UBN1: variants seen among roughly 807,000 people sequenced by gnomAD.
UBN1 encodes the protein ubinuclein-1.
In UBN1, 17 loss-of-function variants were observed where a neutral mutation model predicts 108.5. That is an observed-to-expected ratio of 0.16 (90% CI 0.11 to 0.24). The LOEUF is 0.24. UBN1 is among the 10% of genes least tolerant of loss of function. UBN1 has a pLI of 1.00. For missense variants in UBN1, 1,595 were observed against 1,394.4 expected (o/e 1.14, Z -2.29); for synonymous variants, 726 against 564.2 (o/e 1.29, Z -4.07).
At chr16:4,863,336 G>A (rs1036145364) in intron 7 of UBN1, among the ~76,000 whole-genome samples, 4 of 152,152 alleles carry the variant, frequency 2.6e-5, no homozygotes, top group African/African-American at 9.7e-5. Context: ...GGCACTTGGA[G>A]TCCCTGCATG....
chr16:4,861,417 T>C (rs1383777192), intron 7 of UBN1, among the ~76,000 whole-genome samples: 1 of 152,252 alleles, frequency 6.6e-6, no homozygotes, highest in African/African-American at 2.4e-5. Context: ...ACGGATGATG[T>C]TGGCAGCAGG....
intron 10 of UBN1, 30 bp from the exon 11 acceptor site, chr16:4,870,814 G>A: frequency 2.5e-6 from 4 of 1,612,494 alleles, no homozygotes; most frequent in Non-Finnish European, 3.4e-6. Context: ...GAGCACCTTG[G>A]GGCCCCATGT....
chr16:4,870,122 C>T, intron 8 of UBN1, 90 bp from the exon 9 acceptor site: 1 of 1,576,588 alleles, frequency 6.3e-7, no homozygotes, highest in East Asian at 2.3e-5. Context: ...CTGCCGTTGG[C>T]TCCTAGCTTT....
At chr16:4,850,376 C>T (rs949445408) in intron 1 of UBN1, among the ~76,000 whole-genome samples, 2 of 152,190 alleles carry the variant, frequency 1.3e-5, no homozygotes, top group East Asian at 3.8e-4. Flanking sequence ...ACTGCCTGGA[C>T]AGGGGGAGTA....
At chr16:4,870,060 G>T (rs1040403693) in intron 8 of UBN1, 152 bp from the exon 9 acceptor site, 1 of 1,111,500 alleles carries the variant, frequency 9.0e-7, no homozygotes, top group Non-Finnish European at 1.3e-6. Context: ...TGCTGAGGAT[G>T]TGTTTCCTTG....
intron 8 of UBN1, 148 bp downstream of exon 8, chr16:4,869,051 C>A: frequency 1.3e-6 from 1 of 767,028 alleles, no homozygotes. Context: ...AACATGGTTT[C>A]ATTGTTATTT....
chr16:4,866,601 G>A (rs567081917), intron 7 of UBN1, among the ~76,000 whole-genome samples: 13 of 152,234 alleles, frequency 8.5e-5, no homozygotes, highest in East Asian at 7.7e-4. Flanking sequence ...CAACCTCCAC[G>A]CCCAGGGCTC....
At chr16:4,867,821 T>C (rs1596505290) in intron 7 of UBN1, among the ~76,000 whole-genome samples, 1 of 152,132 alleles carries the variant, frequency 6.6e-6, no homozygotes, top group Non-Finnish European at 1.5e-5. Flanking sequence ...GGTTGATCCC[T>C]TCATTCTAGA....
chr16:4,873,687 CTG>C (rs2142266831), intron 14 of UBN1, among the ~76,000 whole-genome samples: 1 of 152,194 alleles, frequency 6.6e-6, no homozygotes, highest in East Asian at 1.9e-4. Flanking sequence ...CCCAGACACA[CTG>C]TATTAAGCAC....
At position 4,875,434 on chromosome 16, in the gene UBN1, A is replaced by G. The variant is rs775496509; in HGVS notation, c.3024A>G (p.Ser1008=). Residue 1008 remains serine, a splice_region_variant and synonymous_variant, in exon 15 of 18, where the codon TCA becomes TCG. Transcript: ENST00000262376. ...VSSVTSSTSL[S]KGASGTVLLA... is the part of the protein sequence containing the mutation. ...GTGTGACATCGTCTACCTCCTTGTCAGTGAGTATCTGTCATAGCAGCCTGC... is the reference window on the plus strand; with the variant it reads ...GTGTGACATCGTCTACCTCCTTGTCGGTGAGTATCTGTCATAGCAGCCTGC... The G allele has an allele frequency of 1.2e-6, 2 of 1,606,534 alleles. No homozygotes were observed. Among genetic ancestry groups the G allele is most frequent in the South Asian group, 1.1e-5 (1 of 90,654 alleles).
In UBN1 at chr16:4,858,335, A is replaced by G. The variant is rs144058847; in HGVS notation, c.337-233A>G. ...TAGAAGAAATATTTTGGTACAAAGC[A>G]TAAGAAGCCATTTAGTTCATTTTTC... On this transcript the variant is annotated intron_variant, in intron 3 of 17. Coordinates refer to ENST00000262376, the MANE Select transcript of UBN1 (RefSeq NM_001079514.3). Among the ~76,000 whole-genome samples the G allele has an allele frequency of 2.9e-3, 443 of 152,378 alleles. No homozygotes were observed. The highest frequency in any genetic ancestry group is 0.01 in the African/African-American group (430 of 41,594).
intron 6 of UBN1, 83 bp from the exon 7 acceptor site, chr16:4,860,579 ACC>A: frequency 1.6e-5 from 22 of 1,363,242 alleles, no homozygotes; most frequent in Admixed American, 1.1e-4. Flanking sequence ...GGAGACCATG[ACC>A]CTGGGAGCAG....
rs1308817519 is a variant in UBN1 at position 4,870,581 on chromosome 16, G to C, written c.1377G>C (p.Gln459His). The part of the protein sequence containing the change: ...KEAIGRAMPE[Q>H]MAKYQDECQA... Reference sequence around the variant, plus strand: ...CCATTGGCAGGGCGATGCCAGAGCAGATGGCCAAGTACCAGGACGAATGCC... The same window carrying C: ...CCATTGGCAGGGCGATGCCAGAGCACATGGCCAAGTACCAGGACGAATGCC... The change falls in exon 10 of 18, where the codon CAG becomes CAC. Residue 459 changes from glutamine to histidine, a missense_variant. Transcript: ENST00000262376. 6.2e-7 allele frequency: 1 copy of C among 1,614,144 alleles called. No individual in the cohort carries two copies. The highest frequency in any genetic ancestry group is 1.3e-5 in the African/African-American group (1 of 74,960).
intron 15 of UBN1, 146 bp downstream of exon 15, chr16:4,875,580 G>T (rs2087842683): frequency 2.0e-5 from 25 of 1,223,472 alleles, no homozygotes; most frequent in Non-Finnish European, 2.7e-5. Context: ...GGGAGACTGG[G>T]CTCCCTGTTC....
At chr16:4,854,716 T>A (rs1201897151) in intron 2 of UBN1, among the ~76,000 whole-genome samples, 2 of 150,270 alleles carry the variant, frequency 1.3e-5, no homozygotes, top group Non-Finnish European at 3.0e-5. Context: ...GAGTACCGCC[T>A]AGGTGAAAAG....
rs986335797 is a variant in UBN1 at position 4,874,889 on chromosome 16, C to T, written c.2479C>T (p.Leu827Phe). The change falls in exon 15 of 18, where the codon CTC (leucine) becomes TTC (phenylalanine). Residue 827 changes from leucine to phenylalanine, a missense_variant. Around this residue, in one of 3 missense-constraint regions of UBN1, gnomAD observed 1,398 missense variants for 1,194.7 expected, o/e 1.17. Coordinates refer to ENST00000262376, the MANE Select transcript of UBN1 (RefSeq NM_001079514.3). ...GCCCCCATCTCCATTTGCCAATAAGCTCCAAGGCCCAAAGGCTTCTCCCAC... is the reference window on the plus strand; with the variant it reads ...GCCCCCATCTCCATTTGCCAATAAGTTCCAAGGCCCAAAGGCTTCTCCCAC... ...FTPPSPFANKLQGPKASPTQC... is the reference protein window; with the variant it reads ...FTPPSPFANKFQGPKASPTQC... The T allele has an allele frequency of 1.2e-6, 2 of 1,614,030 alleles. No homozygotes were observed. The highest frequency in any genetic ancestry group is 8.5e-7 in the Non-Finnish European group (1 of 1,180,060).
chr16:4,875,253 G>A lies in UBN1; in HGVS notation c.2843G>A (p.Arg948Gln), dbSNP rs1166650777. Reference protein sequence around the residue: ...QPPSVGQATSRPVPSSAGKKM... With the variant: ...QPPSVGQATSQPVPSSAGKKM... ...CCCTCCGTGGGACAGGCCACCAGCC[G>A]ACCCGTCCCAAGTTCAGCAGGGAAA... Residue 948 changes from arginine to glutamine, a missense_variant, in exon 15 of 18, where the codon CGA becomes CAA. Arg to Gln is a conservative substitution (Grantham distance 43). This residue lies in a region of UBN1 where 1,398 missense variants were observed against 1,194.7 expected (regional missense o/e 1.17). Transcript: ENST00000262376. 3.7e-6 allele frequency: 6 copies of A among 1,614,230 alleles called. No individual in the cohort carries two copies. Among genetic ancestry groups the A allele is most frequent in the Non-Finnish European group, 5.1e-6 (6 of 1,180,054 alleles).
At chr16:4,859,584 T>C (rs2086966266) in intron 5 of UBN1, among the ~76,000 whole-genome samples, 1 of 152,226 alleles carries the variant, frequency 6.6e-6, no homozygotes, top group Admixed American at 6.5e-5. Context: ...ACTGCCTATG[T>C]GTTTAAGATG....
In UBN1 at chr16:4,880,109, C is replaced by A. The variant is rs757812843; in HGVS notation, c.3382C>A (p.Pro1128Thr). ...TGCTTCTCAGCTTCACGGGAAAGGGCCTGCTGTACCACGGAAATTGTGACC... is the reference window on the plus strand; with the variant it reads ...TGCTTCTCAGCTTCACGGGAAAGGGACTGCTGTACCACGGAAATTGTGACC... ...PGASQLHGKG[P>T]AVPRKL The change falls in exon 18 of 18, where the codon CCT (proline) becomes ACT (threonine). Residue 1128 changes from proline (P) to threonine (T), a missense_variant. Physicochemically the swap from Pro to Thr is conservative, Grantham distance 38. Coordinates refer to ENST00000262376, the MANE Select transcript of UBN1 (RefSeq NM_001079514.3). 51 of 1,613,862 alleles carry A rather than the reference C, an allele frequency of 3.2e-5. 1 individual carries two copies. In the Admixed American group the frequency reaches 8.3e-4, roughly 26 times the overall value.
Sources: gnomAD v4.1 joint callset for allele counts (sites outside exome capture counted in the v4.1 genomes callset) on GRCh38, gnomAD v4.1.1 for gene constraint, gnomAD v4.1.1 regional missense constraint, MANE v1.5 for transcripts, NCBI Gene and HGNC (gene_info 2026-07-23, HGNC 2026-07-21) for gene names.